The following PCDHGA3 variants were observed in gnomAD, a reference collection of about 807,000 sequenced individuals.
PCDHGA3 encodes the protein protocadherin gamma subfamily A, 3, also known as protocadherin gamma-A3.
A neutral mutation model predicts 58.5 loss-of-function variants in PCDHGA3; 40 were observed. The observed-to-expected ratio is 0.68, with a 90% CI of 0.53 to 0.89. The LOEUF is 0.89. Among genes scored for constraint, PCDHGA3 ranks in the 40% least tolerant of loss-of-function variants. The probability of loss-of-function intolerance (pLI) is 0.00; values close to 1 mark genes in which losing one functional copy is unlikely to be tolerated. For synonymous variants in PCDHGA3, 530 were observed against 525.7 expected (o/e 1.01, Z -0.11); for missense variants, 1,223 against 1,195.9 (o/e 1.02, Z -0.33).
Position 141,364,613 on chromosome 5 carries a change from C to G in PCDHGA3, c.2424+18156C>G, listed in dbSNP as rs776128638. 7 of 1,614,052 alleles carry G rather than the reference C, an allele frequency of 4.3e-6. No homozygotes were observed. The East Asian group carries it at 1.6e-4, about 36-fold the overall frequency. On this transcript the variant is annotated intron_variant, in intron 1 of 3. Coordinates refer to ENST00000253812, the MANE Select transcript of PCDHGA3 (RefSeq NM_018916.4). ...CGCGGGCAGGATAGACCGGGAGGAGCTCTGCGCTCAGAGCCCACTGTGTGT... is the reference window on the plus strand; with the variant it reads ...CGCGGGCAGGATAGACCGGGAGGAGGTCTGCGCTCAGAGCCCACTGTGTGT...
chr5:141,492,396 A>G (rs1400291073), intron 1 of PCDHGA3, among the ~76,000 whole-genome samples: 1 of 152,188 alleles, frequency 6.6e-6, no homozygotes, highest in Non-Finnish European at 1.5e-5. Flanking sequence ...GTCCACTCGC[A>G]GCTCCCCTCT....
chr5:141,501,945 T>G (rs1318749969), intron 2 of PCDHGA3, among the ~76,000 whole-genome samples: 5 of 152,106 alleles, frequency 3.3e-5, no homozygotes, highest in African/African-American at 1.2e-4. Context: ...CACTGCTCCC[T>G]GTGACAGGTC....
At position 141,375,585 on chromosome 5, in the gene PCDHGA3, T is replaced by A. The variant is rs765334095; in HGVS notation, c.2424+29128T>A. 3.1e-6 allele frequency: 5 copies of A among 1,614,014 alleles called. No individual in the cohort carries two copies. The African/African-American group carries it at 6.7e-5, about 22-fold the overall frequency. ...GAAGACACCCTCCAGGGGGCGCCCC[T>A]GTCCTCCTACGTGTCCATCAACTCC... On this transcript the variant is annotated intron_variant, in intron 1 of 3. Transcript: ENST00000253812.
chr5:141,413,043 C>A, intron 1 of PCDHGA3: 1 of 864,340 alleles, frequency 1.2e-6, no homozygotes, highest in Non-Finnish European at 1.7e-6. Flanking sequence ...TGCTGGGCTG[C>A]AGGGAAGCTC....
chr5:141,399,411 C>G lies in PCDHGA3; in HGVS notation c.2424+52954C>G, dbSNP rs375057054. 3.4e-5 allele frequency: 55 copies of G among 1,613,900 alleles called. No individual in the cohort carries two copies. In the African/African-American group the frequency reaches 5.3e-4, roughly 16 times the overall value. On this transcript the variant is annotated intron_variant, in intron 1 of 3. Transcript: ENST00000253812. ...CCACAGACAGGGGCAAGCCGCCCCT[C>G]TCCTCCAGCATAAGCGTCATCCTAC...
intron 1 of PCDHGA3, among the ~76,000 whole-genome samples, chr5:141,449,345 T>C (rs2154562594): frequency 1.3e-5 from 2 of 151,644 alleles, no homozygotes; most frequent in South Asian, 4.2e-4. Context: ...AGTGGCTCAC[T>C]CCTGTAATCC....
chr5:141,478,387 C>T, intron 1 of PCDHGA3: 1 of 1,613,642 alleles, frequency 6.2e-7, no homozygotes, highest in Non-Finnish European at 8.5e-7. Context: ...CGCACCTTTA[C>T]CATCAGGTGT....
chr5:141,418,712 G>A (rs1431536945), intron 1 of PCDHGA3: 1 of 1,613,976 alleles, frequency 6.2e-7, no homozygotes, highest in African/African-American at 1.3e-5. Context: ...CTTTGGTGTG[G>A]CTGACAAAGC....
chr5:141,478,685 A>G, intron 1 of PCDHGA3: 3 of 1,551,308 alleles, frequency 1.9e-6, no homozygotes, highest in Non-Finnish European at 2.6e-6. Context: ...GGCCCTTCCT[A>G]GATCAAAGTT....
In PCDHGA3 at chr5:141,345,506, G is replaced by C. The variant is rs1402758990; in HGVS notation, c.1473G>C (p.Leu491Phe). The C allele has an allele frequency of 6.2e-7, 1 of 1,614,108 alleles. No individual in the cohort carries two copies. ...ACAACGCCCGCATCACTTATGCATTGACCGAGGACACTCTCCAGGGGGCGC... is the reference window on the plus strand; with the variant it reads ...ACAACGCCCGCATCACTTATGCATTCACCGAGGACACTCTCCAGGGGGCGC... ...SNNNARITYA[L>F]TEDTLQGAPL... is the part of the protein sequence containing the mutation. Residue 491 changes from leucine (L) to phenylalanine (F), a missense_variant, in exon 1 of 4, where the codon TTG becomes TTC. Physicochemically the swap from Leu to Phe is conservative, Grantham distance 22. This residue lies in a region of PCDHGA3 where 791 missense variants were observed against 708.5 expected (regional missense o/e 1.12). Transcript: ENST00000253812.
chr5:141,365,693 G>A, intron 1 of PCDHGA3: 1 of 1,613,364 alleles, frequency 6.2e-7, no homozygotes, highest in South Asian at 1.1e-5. Flanking sequence ...TTTCCCTCAA[G>A]CCTCCTACTC....
chr5:141,470,911 G>C (rs1208467445), intron 1 of PCDHGA3, among the ~76,000 whole-genome samples: 1 of 151,916 alleles, frequency 6.6e-6, no homozygotes, highest in African/African-American at 2.4e-5. Context: ...AGATGGGACT[G>C]TCCCTATGTT....
intron 1 of PCDHGA3, chr5:141,393,947 G>T: frequency 6.2e-7 from 1 of 1,613,972 alleles, no homozygotes; most frequent in Non-Finnish European, 8.5e-7. Context: ...ACTCTGGAAA[G>T]AATGGTCAAG....
Position 141,477,029 on chromosome 5 carries a change from A to T in PCDHGA3, c.2425-17778A>T, listed in dbSNP as rs754045855. ...CTTAGACCTTGTAACCGGGATGCTG[A>T]CAATCAAGGGTCGGCTGGACTTCGA... On this transcript the variant is annotated intron_variant, in intron 1 of 3. Transcript: ENST00000253812. This position sits in a 1 kb window ranked among gnomAD's most constrained non-coding sequence, Gnocchi z 4.9. 2 of 1,614,238 alleles carry T rather than the reference A, an allele frequency of 1.2e-6. No homozygotes were observed. The highest frequency in any genetic ancestry group is 3.3e-5 in the Admixed American group (2 of 60,028).
At chr5:141,399,944 A>G (rs769384438) in intron 1 of PCDHGA3, 2 of 1,612,254 alleles carry the variant, frequency 1.2e-6, no homozygotes, top group South Asian at 2.2e-5. Context: ...CACGTGCTGC[A>G]GGCTAGCGAG....
At chr5:141,391,562 C>T (rs927673920) in intron 1 of PCDHGA3, 2 of 152,064 alleles carry the variant, frequency 1.3e-5, no homozygotes, top group Non-Finnish European at 1.5e-5. Flanking sequence ...TTTCCATATG[C>T]ATAAGAAAAT....
At chr5:141,394,400 G>A (rs747087099) in intron 1 of PCDHGA3, 2 of 1,614,246 alleles carry the variant, frequency 1.2e-6, no homozygotes, top group South Asian at 2.2e-5. Flanking sequence ...GAGACCTGCA[G>A]CTACTGGTAA....
In PCDHGA3 at chr5:141,432,866, G is replaced by C. The variant is rs139832920; in HGVS notation, c.2425-61941G>C. 8 of 1,614,152 alleles carry C rather than the reference G, an allele frequency of 5.0e-6. No individual in the cohort carries two copies. Among genetic ancestry groups the C allele is most frequent in the South Asian group, 2.2e-5 (2 of 91,074 alleles). On this transcript the variant is annotated intron_variant, in intron 1 of 3. Coordinates refer to ENST00000253812, the MANE Select transcript of PCDHGA3 (RefSeq NM_018916.4). The surrounding 1 kb of genome is among the most constrained non-coding windows in gnomAD (Gnocchi z 6.0). ...GGTAGCGGTGGCCGCGGTCTCCTGC[G>C]TCTTCCTGGCCTTCGTCATCTTGCT...
chr5:141,470,768 G>T (rs2099239559), intron 1 of PCDHGA3, among the ~76,000 whole-genome samples: 1 of 152,142 alleles, frequency 6.6e-6, no homozygotes, highest in South Asian at 2.1e-4. Context: ...ACTCACTACA[G>T]TCTTGAATTC....
Sources: allele counts gnomAD v4.1 joint callset (sites outside exome capture counted in the v4.1 genomes callset), GRCh38; gene constraint gnomAD v4.1.1; regional missense constraint gnomAD v4.1.1; non-coding constraint Gnocchi (gnomAD v3.1); transcripts MANE v1.5; gene names NCBI Gene and HGNC (gene_info 2026-07-23, HGNC 2026-07-21).